Variants in LPIN2 observed in about 807,000 individuals in gnomAD.
The protein encoded by LPIN2 is phosphatidate phosphatase LPIN2.
Under a neutral mutation model 111.4 loss-of-function variants are expected in LPIN2, and 55 were observed. That is an observed-to-expected ratio of 0.49 (90% CI 0.40 to 0.62). The LOEUF (loss-of-function observed/expected upper bound fraction) is 0.62, where lower values mean the gene tolerates loss of function less well. Among genes scored for constraint, LPIN2 ranks in the 20% least tolerant of loss-of-function variants. The pLI, the probability that LPIN2 is intolerant of heterozygous loss-of-function variation, is 0.00. For synonymous variants in LPIN2, 425 were observed against 414.0 expected (o/e 1.03, Z -0.32); for missense variants, 992 against 1,112.1 (o/e 0.89, Z 1.54).
chr18:2,988,498 A>T (rs2143410798), intron 1 of LPIN2, among the ~76,000 whole-genome samples: 2 of 152,362 alleles, frequency 1.3e-5, no homozygotes, highest in South Asian at 4.1e-4. Context: ...GATGTGTAAG[A>T]AAAAGAGAAA....
chr18:2,943,289 G>A (rs767786590), intron 4 of LPIN2, among the ~76,000 whole-genome samples: 4 of 151,580 alleles, frequency 2.6e-5, no homozygotes, highest in African/African-American at 2.4e-5. Flanking sequence ...GCTACCTAAC[G>A]GTAACTGTGT....
chr18:2,982,865 A>G (rs1429593999), intron 1 of LPIN2: 1 of 456,296 alleles, frequency 2.2e-6, no homozygotes, highest in Admixed American at 2.8e-5. Flanking sequence ...AACTGCTTGC[A>G]GACACAGTTA....
chr18:2,994,282 T>C (rs887576245), intron 1 of LPIN2, among the ~76,000 whole-genome samples: 1 of 152,238 alleles, frequency 6.6e-6, no homozygotes, highest in Non-Finnish European at 1.5e-5. Flanking sequence ...GGAAAGTTTT[T>C]TGAAGACAAT....
chr18:2,943,717 C>T (rs1176546160), intron 4 of LPIN2, among the ~76,000 whole-genome samples: 1 of 152,166 alleles, frequency 6.6e-6, no homozygotes, highest in African/African-American at 2.4e-5. Context: ...TTAAATACAT[C>T]TCCCAGTATC....
chr18:2,937,571 A>T, intron 7 of LPIN2, 121 bp downstream of exon 7: 5 of 591,214 alleles, frequency 8.5e-6, no homozygotes, highest in Non-Finnish European at 1.1e-5. Flanking sequence ...AAAAAAAAAA[A>T]GTGCGACGGG....
rs371554100 is a variant in LPIN2 at position 2,960,495 on chromosome 18, G to C, written c.192+154C>G. 19 of 723,100 alleles carry C rather than the reference G, an allele frequency of 2.6e-5. No individual in the cohort carries two copies. The South Asian group carries it at 2.7e-4, about 10-fold the overall frequency. The allele number at this position is 723,100 out of a possible 1,614,324, so 44.8% of individuals were successfully genotyped here. On this transcript the variant is annotated intron_variant, in intron 2 of 19. Transcript: ENST00000677752. ...ATAAAGGTTGACTTCTCGTAACATT[G>C]TCTCAACATCATTCAGGTTAAAAAA...
At chr18:3,007,449 G>T (rs2078532987) in intron 1 of LPIN2, among the ~76,000 whole-genome samples, 1 of 152,204 alleles carries the variant, frequency 6.6e-6, no homozygotes, top group South Asian at 2.1e-4. Context: ...GGGATTACAG[G>T]CGTAAGCCAC....
Position 2,951,293 on chromosome 18 carries a change from T to C in LPIN2, c.352A>G (p.Ile118Val). 6.2e-7 allele frequency: 1 copy of C among 1,614,148 alleles called. No individual in the cohort carries two copies. Among genetic ancestry groups the C allele is most frequent in the Non-Finnish European group, 8.5e-7 (1 of 1,180,028 alleles). The change falls in exon 4 of 20, where the codon ATT becomes GTT. Residue 118 changes from isoleucine (I) to valine (V), a missense_variant. Ile to Val is a conservative substitution (Grantham distance 29). Around this residue, in one of 4 missense-constraint regions of LPIN2, gnomAD observed 709 missense variants for 753.2 expected, o/e 0.94. Transcript: ENST00000677752. Reference protein sequence around the residue: ...IPTEDQFFKDIDTPLVKSGGD... With the variant: ...IPTEDQFFKDVDTPLVKSGGD... Reference sequence around the variant, plus strand: ...CCCGATTTCACCAAAGGGGTGTCAATATCTTTAAAGAACTGATCTTCAGTA... The same window carrying C: ...CCCGATTTCACCAAAGGGGTGTCAACATCTTTAAAGAACTGATCTTCAGTA...
chr18:3,013,010 G>A (rs879583517), intron 1 of LPIN2, 77 bp downstream of exon 1: 1 of 150,574 alleles, frequency 6.6e-6, no homozygotes, highest in Non-Finnish European at 1.5e-5. Flanking sequence ...CCCGCGCCAA[G>A]GGAAGCCCCC....
At chr18:2,947,871 G>A (rs548876114) in intron 4 of LPIN2, among the ~76,000 whole-genome samples, 2 of 152,112 alleles carry the variant, frequency 1.3e-5, no homozygotes, top group African/African-American at 2.4e-5. Flanking sequence ...GTTAATGACC[G>A]TAAATAGCTT....
At chr18:2,940,802 C>A in intron 4 of LPIN2, 90 bp from the exon 5 acceptor site, 1 of 769,808 alleles carries the variant, frequency 1.3e-6, no homozygotes, top group South Asian at 1.4e-5. Flanking sequence ...TACAAACAAT[C>A]AAAATGAAGA....
intron 3 of LPIN2, among the ~76,000 whole-genome samples, chr18:2,952,220 A>C (rs2077547361): frequency 6.6e-6 from 1 of 152,216 alleles, no homozygotes; most frequent in Non-Finnish European, 1.5e-5. Flanking sequence ...TGAGGTCAGG[A>C]GTTTGAGACC....
intron 1 of LPIN2, 24 bp from the exon 2 acceptor site, chr18:2,960,873 A>C: frequency 7.6e-6 from 12 of 1,575,516 alleles, no homozygotes; most frequent in Non-Finnish European, 1.0e-5. Context: ...AAATTAGATG[A>C]GATGTTAACA....
At chr18:2,945,686 A>C in intron 4 of LPIN2, 1 of 1,335,340 alleles carries the variant, frequency 7.5e-7, no homozygotes, top group Non-Finnish European at 1.1e-6. Flanking sequence ...GCTTTACATC[A>C]ATCACACCCC....
chr18:2,920,648 AGAG>A (rs947540853), intron 19 of LPIN2, 127 bp downstream of exon 19: 18 of 807,970 alleles, frequency 2.2e-5, no homozygotes, highest in Middle Eastern at 2.4e-4. Context: ...AGATACCCAC[AGAG>A]GAGATGTAGC....
In LPIN2 at chr18:2,922,115, G is replaced by A. The variant is rs1203271254; in HGVS notation, c.2259C>T (p.Asp753=). The change falls in exon 17 of 20, where the codon GAC becomes GAT. Residue 753 remains aspartate, a synonymous_variant. Coordinates refer to ENST00000677752, the MANE Select transcript of LPIN2 (RefSeq NM_001375808.2). ...MTRGYLHWVN[D]KGTILPRGPL... is the part of the protein sequence containing the mutation. ...GGCCCCGGGGCAAGATTGTGCCCTT[G>A]TCATTGACCCAGTGCAGGTAGCCAC... The A allele has an allele frequency of 6.2e-7, 1 of 1,613,976 alleles. No individual in the cohort carries two copies. Among genetic ancestry groups the A allele is most frequent in the African/African-American group, 1.3e-5 (1 of 74,938 alleles).
At chr18:2,975,058 T>TAA (rs1441404829) in intron 1 of LPIN2, among the ~76,000 whole-genome samples, 1 of 152,196 alleles carries the variant, frequency 6.6e-6, no homozygotes, top group Non-Finnish European at 1.5e-5. Context: ...TCATCTGATT[T>TAA]AATCCTCACA....
Position 2,918,374 on chromosome 18 carries a change from A to G in LPIN2, c.*1919T>C, listed in dbSNP as rs561621214. 21 of 152,336 alleles carry G rather than the reference A, an allele frequency of 1.4e-4. No individual in the cohort carries two copies. The highest frequency in any genetic ancestry group is 5.1e-4 in the African/African-American group (21 of 41,578). 9.4% of individuals were successfully genotyped at this position (152,336 alleles called of 1,614,324 possible). ...CATACATATGCAAAGAAGTCCTACT[A>G]TAAGCTCAGTTAAACACACAAAGCT... On this transcript the variant is annotated 3_prime_UTR_variant, in exon 20 of 20. Transcript: ENST00000677752.
At chr18:2,965,461 G>A (rs1475670279) in intron 1 of LPIN2, among the ~76,000 whole-genome samples, 1 of 152,148 alleles carries the variant, frequency 6.6e-6, no homozygotes, top group Non-Finnish European at 1.5e-5. Context: ...AGGCGCGGTG[G>A]CTCACGCCTG....
Sources: allele counts gnomAD v4.1 joint callset (sites outside exome capture counted in the v4.1 genomes callset), GRCh38; gene constraint gnomAD v4.1.1; regional missense constraint gnomAD v4.1.1; transcripts MANE v1.5; gene names NCBI Gene and HGNC (gene_info 2026-07-23, HGNC 2026-07-21).